Variants in STK17B observed in about 807,000 individuals in gnomAD.
STK17B encodes serine/threonine kinase 17b, also known as serine/threonine-protein kinase 17B.
Under a neutral mutation model 42.0 loss-of-function variants are expected in STK17B, and 21 were observed. That is an observed-to-expected ratio of 0.50 (90% CI 0.35 to 0.72). The LOEUF is 0.72. Among genes scored for constraint, STK17B ranks in the 30% least tolerant of loss-of-function variants. The probability of loss-of-function intolerance (pLI) is 0.00; values close to 1 mark genes in which losing one functional copy is unlikely to be tolerated. For missense variants in STK17B, 349 were observed against 446.0 expected (o/e 0.78, Z 1.96); for synonymous variants, 143 against 148.4 (o/e 0.96, Z 0.26).
chr2:196,158,660 G>C (rs1483953104), intron 2 of STK17B, among the ~76,000 whole-genome samples: 1 of 152,142 alleles, frequency 6.6e-6, no homozygotes, highest in Non-Finnish European at 1.5e-5. Flanking sequence ...ATAAAACTGT[G>C]AAATGTGAAT....
At chr2:196,156,675 A>G in intron 2 of STK17B, 24 bp from the exon 3 acceptor site, 2 of 1,577,498 alleles carry the variant, frequency 1.3e-6, no homozygotes, top group South Asian at 1.1e-5. Context: ...AGAACAATCA[A>G]TTTTAATTTT....
chr2:196,137,383 CATA>C lies in STK17B; in HGVS notation c.*61_*63del, dbSNP rs1400072334. ...ACATGTCATATATGAAGCTACAAAT[CATA>C]ATCTCACTGGAGTGGATATAAAATT... On this transcript the variant is annotated 3_prime_UTR_variant, in exon 8 of 8. Transcript: ENST00000263955. 2.0e-6 allele frequency: 3 copies of C among 1,506,234 alleles called. No individual in the cohort carries two copies. The highest frequency in any genetic ancestry group is 1.4e-5 in the African/African-American group (1 of 71,544). The allele number at this position is 1,506,234 out of a possible 1,614,324, so 93.3% of individuals were successfully genotyped here.
At chr2:196,145,728 C>A (rs555872017) in intron 4 of STK17B, among the ~76,000 whole-genome samples, 183 bp downstream of exon 4, 2 of 152,292 alleles carry the variant, frequency 1.3e-5, no homozygotes, top group African/African-American at 4.8e-5. Context: ...CACATGCACT[C>A]TTCTCCTTTC....
chr2:196,148,326 T>C (rs1354322067), intron 3 of STK17B, among the ~76,000 whole-genome samples: 5 of 152,310 alleles, frequency 3.3e-5, no homozygotes, highest in East Asian at 3.9e-4. Flanking sequence ...AGTGACACCA[T>C]CACTCCTTCC....
chr2:196,162,745 C>G (rs1699828288), intron 2 of STK17B, among the ~76,000 whole-genome samples: 1 of 151,852 alleles, frequency 6.6e-6, no homozygotes, highest in Non-Finnish European at 1.5e-5. Flanking sequence ...AAAAAACCAG[C>G]CCAGTGTGGT....
At chr2:196,143,891 G>T (rs1164279594) in intron 4 of STK17B, among the ~76,000 whole-genome samples, 1 of 152,172 alleles carries the variant, frequency 6.6e-6, no homozygotes, top group Non-Finnish European at 1.5e-5. Flanking sequence ...AGGATTCTAG[G>T]TTTGAAGAGA....
intron 2 of STK17B, among the ~76,000 whole-genome samples, chr2:196,160,154 G>A (rs1219457866): frequency 1.3e-5 from 2 of 151,924 alleles, no homozygotes; most frequent in African/African-American, 4.8e-5. Flanking sequence ...CCCTAAAAAG[G>A]CAAGGCTAAC....
intron 2 of STK17B, among the ~76,000 whole-genome samples, chr2:196,157,123 G>C (rs929369400): frequency 1.4e-5 from 2 of 147,806 alleles, no homozygotes; most frequent in African/African-American, 5.0e-5. Context: ...CTGTACTCCA[G>C]CCTGGGTGAC....
chr2:196,175,154 A>T (rs1471224124), upstream of STK17B, among the ~76,000 whole-genome samples: 1 of 152,212 alleles, frequency 6.6e-6, no homozygotes, highest in Non-Finnish European at 1.5e-5. Flanking sequence ...ATCAACAAAA[A>T]TTATTGAGAC....
chr2:196,156,514 G>A lies in STK17B; in HGVS notation c.260C>T (p.Ala87Val), dbSNP rs1482437365. ...ILHEIAVLEL[A>V]KSCPRVINLH... The stretch of plus-strand genomic sequence containing the variant: ...ATTAATAACACGGGGACAAGACTTT[G>A]CCAATTCAAGCACAGCAATCTCGTG... The change falls in exon 3 of 8, where the codon GCA becomes GTA. Residue 87 changes from alanine (A) to valine (V), a missense_variant. Around this residue, in one of 3 missense-constraint regions of STK17B, gnomAD observed 256 missense variants for 347.7 expected, o/e 0.74. Transcript: ENST00000263955. The A allele has an allele frequency of 1.9e-6, 3 of 1,613,886 alleles. No homozygotes were observed. The Admixed American group carries it at 5.0e-5, about 27-fold the overall frequency.
chr2:196,156,137 T>A (rs948736018), intron 3 of STK17B: 3 of 203,714 alleles, frequency 1.5e-5, no homozygotes, highest in Non-Finnish European at 2.9e-5. Flanking sequence ...TATCTGCCCA[T>A]CAGATTGTGT....
At position 196,157,165 on chromosome 2, in the gene STK17B, AAAAG is replaced by A. The variant is rs1440610824; in HGVS notation, c.123-518_123-515del. Among the ~76,000 whole-genome samples the A allele has an allele frequency of 7.2e-5, 11 of 152,140 alleles. 2 individuals carry two copies. The East Asian group carries it at 2.1e-3, about 30-fold the overall frequency. Reference sequence around the variant, plus strand: ...AGACTGTCTCAAAAAAAAAATAAAAAAAAGATACATTATCATTGCAGGGAAATAA... The same window carrying A: ...AGACTGTCTCAAAAAAAAAATAAAAAATACATTATCATTGCAGGGAAATAA... On this transcript the variant is annotated intron_variant, in intron 2 of 7. Transcript: ENST00000263955.
chr2:196,172,521 A>G (rs941693658), upstream of STK17B, among the ~76,000 whole-genome samples: 1 of 152,220 alleles, frequency 6.6e-6, no homozygotes, highest in Non-Finnish European at 1.5e-5. Flanking sequence ...TCTTGCTTTC[A>G]AAAGACTTAA....
At chr2:196,147,721 C>A (rs749321701) in intron 3 of STK17B, among the ~76,000 whole-genome samples, 1 of 147,324 alleles carries the variant, frequency 6.8e-6, no homozygotes, top group African/African-American at 2.5e-5. Flanking sequence ...GCTGTAAATT[C>A]ATGAGACATA....
intron 3 of STK17B, chr2:196,151,240 CA>C (rs983283744): frequency 6.6e-5 from 10 of 151,928 alleles, no homozygotes; most frequent in African/African-American, 2.2e-4. Context: ...CTGTGTTCTC[CA>C]AAAGGTAAGT....
At position 196,171,049 on chromosome 2, in the gene STK17B, C is replaced by G. The variant is rs189805793; in HGVS notation, c.-45+284G>C. On this transcript the variant is annotated intron_variant, in intron 1 of 7. Coordinates refer to ENST00000263955, the MANE Select transcript of STK17B (RefSeq NM_004226.4). ...TGGAGGGCGCACGGGGACACACGGA[C>G]ACGCACAGACACAGACACGCGCCCC... is the stretch of plus-strand genomic sequence containing the variant. 105 of 152,532 alleles carry G rather than the reference C, an allele frequency of 6.9e-4. 1 individual carries two copies. The highest frequency in any genetic ancestry group is 2.5e-3 in the African/African-American group (102 of 41,584). The allele number at this position is 152,532 out of a possible 1,614,324, so 9.4% of individuals were successfully genotyped here.
intron 3 of STK17B, among the ~76,000 whole-genome samples, chr2:196,148,986 G>A (rs768793552): frequency 1.2e-4 from 19 of 152,110 alleles, no homozygotes; most frequent in Non-Finnish European, 1.9e-4. Context: ...ATGTGCCTCT[G>A]TTTCTTCTAC....
At position 196,136,564 on chromosome 2, in the gene STK17B, A is replaced by G. The variant is rs1276943128; in HGVS notation, c.*883T>C. ...AAGATGCAGAAGACATCTAAAATTC[A>G]GTAAGCTGTCTGAGTGTGTCAACAT... On this transcript the variant is annotated 3_prime_UTR_variant, in exon 8 of 8. Coordinates refer to ENST00000263955, the MANE Select transcript of STK17B (RefSeq NM_004226.4). 2.0e-5 allele frequency: 3 copies of G among 152,274 alleles called. No individual in the cohort carries two copies. Among genetic ancestry groups the G allele is most frequent in the Non-Finnish European group, 4.4e-5 (3 of 68,040 alleles). 9.4% of individuals were successfully genotyped at this position (152,274 alleles called of 1,614,324 possible). A position where few individuals can be genotyped will look rare whatever the true frequency, so the allele number is the denominator to read the frequency against.
chr2:196,142,144 C>T (rs146615421), intron 5 of STK17B, among the ~76,000 whole-genome samples: 2,671 of 152,184 alleles, frequency 0.018, 72 homozygotes, highest in African/African-American at 0.06. Context: ...CTGCAACCTC[C>T]ACCTCTTGGA....
Sources: gnomAD v4.1 joint callset for allele counts (sites outside exome capture counted in the v4.1 genomes callset) on GRCh38, gnomAD v4.1.1 for gene constraint, gnomAD v4.1.1 regional missense constraint, MANE v1.5 for transcripts, NCBI Gene and HGNC (gene_info 2026-07-23, HGNC 2026-07-21) for gene names.